The following RAP1GDS1 variants were observed in gnomAD, a reference collection of about 807,000 sequenced individuals.
RAP1GDS1 encodes the protein RAP1, GTP-GDP dissociation stimulator 1.
In RAP1GDS1, 35 loss-of-function variants were observed where a neutral mutation model predicts 71.1. The ratio of observed to expected loss-of-function variants is 0.49; its 90% confidence interval spans 0.38 to 0.65. RAP1GDS1 has a LOEUF of 0.65. RAP1GDS1 is among the 30% of genes least tolerant of loss of function. The pLI, the probability that RAP1GDS1 is intolerant of heterozygous loss-of-function variation, is 0.00. For missense variants in RAP1GDS1, 663 were observed against 706.1 expected, an observed-to-expected ratio of 0.94 and a Z score of 0.69; for synonymous variants, 229 against 243.1, an observed-to-expected ratio of 0.94 and a Z score of 0.54.
intron 13 of RAP1GDS1, among the ~76,000 whole-genome samples, chr4:98,434,735 C>G (rs1460526084): frequency 6.6e-6 from 1 of 151,874 alleles, no homozygotes; most frequent in Non-Finnish European, 1.5e-5. Flanking sequence ...ATTCTCGTGC[C>G]TCAGCCTCCT....
intron 2 of RAP1GDS1, among the ~76,000 whole-genome samples, chr4:98,306,148 T>C (rs1477706644): frequency 1.3e-5 from 2 of 152,182 alleles, no homozygotes; most frequent in Admixed American, 6.5e-5. Context: ...TTAACTGTCT[T>C]CTCTAATCGT....
At chr4:98,353,487 A>T (rs1355986515) in intron 4 of RAP1GDS1, among the ~76,000 whole-genome samples, 1 of 152,206 alleles carries the variant, frequency 6.6e-6, no homozygotes, top group African/African-American at 2.4e-5. Context: ...TTATGCATAT[A>T]AGCCAGAAAG....
At chr4:98,436,087 T>A (rs1024358208) in intron 13 of RAP1GDS1, among the ~76,000 whole-genome samples, 1 of 148,480 alleles carries the variant, frequency 6.7e-6, no homozygotes, top group African/African-American at 2.6e-5. Flanking sequence ...AAAATATATA[T>A]ATATATATAT....
At chr4:98,429,577 A>G (rs1029709346) in intron 12 of RAP1GDS1, among the ~76,000 whole-genome samples, 1 of 152,150 alleles carries the variant, frequency 6.6e-6, no homozygotes, top group African/African-American at 2.4e-5. Flanking sequence ...GTCCACCAAA[A>G]TCTCACAAAT....
intron 1 of RAP1GDS1, among the ~76,000 whole-genome samples, chr4:98,281,841 G>C (rs1417148853): frequency 6.6e-6 from 1 of 152,066 alleles, no homozygotes; most frequent in African/African-American, 2.4e-5. Flanking sequence ...TTTGTCAATG[G>C]CCTTTTCTGC....
chr4:98,305,512 A>G (rs1484776701), intron 2 of RAP1GDS1, among the ~76,000 whole-genome samples: 2 of 152,186 alleles, frequency 1.3e-5, no homozygotes, highest in African/African-American at 2.4e-5. Flanking sequence ...GTATCCAAAT[A>G]TATTCTTACC....
At chr4:98,351,406 A>G (rs946267640) in intron 3 of RAP1GDS1, among the ~76,000 whole-genome samples, 7 of 152,206 alleles carry the variant, frequency 4.6e-5, no homozygotes, top group Non-Finnish European at 7.3e-5. Context: ...AATAACCTAT[A>G]TGGTATGCTC....
chr4:98,379,084 G>T lies in RAP1GDS1; in HGVS notation c.429G>T (p.Leu143=). 6.2e-7 allele frequency: 1 copy of T among 1,610,956 alleles called. No homozygotes were observed. The highest frequency in any genetic ancestry group is 8.5e-7 in the Non-Finnish European group (1 of 1,178,168). Reference sequence around the variant, plus strand: ...TTGTAATTGACCATTTAAGGTCACTGTGCAGTATAACAGATCCCGCCAATG... The same window carrying T: ...TTGTAATTGACCATTTAAGGTCACTTTGCAGTATAACAGATCCCGCCAATG... ...AQIVIDHLRS[L]CSITDPANEK... Residue 143 remains leucine, a synonymous_variant, in exon 5 of 15, where the codon CTG becomes CTT. Transcript: ENST00000408927.
intron 4 of RAP1GDS1, among the ~76,000 whole-genome samples, chr4:98,368,787 A>G (rs1739914398): frequency 6.6e-6 from 1 of 152,172 alleles, no homozygotes; most frequent in South Asian, 2.1e-4. Context: ...TTGGAGAAGG[A>G]GAAGCCCTAT....
At chr4:98,317,690 A>G (rs1731140561) in intron 2 of RAP1GDS1, among the ~76,000 whole-genome samples, 1 of 152,060 alleles carries the variant, frequency 6.6e-6, no homozygotes, top group African/African-American at 2.4e-5. Flanking sequence ...ATGGAACCTT[A>G]AGTGGCCACA....
At chr4:98,396,005 G>T in intron 6 of RAP1GDS1, 1 of 158,206 alleles carries the variant, frequency 6.3e-6, no homozygotes, top group South Asian at 1.9e-4. Flanking sequence ...TTACAATCAT[G>T]GCAGAAGGTG....
chr4:98,380,695 A>G (rs1741875787), intron 5 of RAP1GDS1, among the ~76,000 whole-genome samples: 1 of 151,838 alleles, frequency 6.6e-6, no homozygotes, highest in South Asian at 2.1e-4. Flanking sequence ...GCATTAAGAA[A>G]TCATTGGTCA....
Position 98,352,010 on chromosome 4 carries a change from T to TTA in RAP1GDS1, c.236-456_236-455dup, listed in dbSNP as rs761854658. 1.5e-3 allele frequency among the ~76,000 whole-genome samples: 218 copies of TTA among 150,170 alleles called. 1 individual carries two copies. Among genetic ancestry groups the TTA allele is most frequent in the Non-Finnish European group, 2.6e-3 (179 of 67,560 alleles). On this transcript the variant is annotated intron_variant, in intron 3 of 14. Transcript: ENST00000408927. ...TTTATACATATGTATATACTTATAT[T>TTA]TATATATATATTTATATTTATAGGC...
chr4:98,433,831 C>A, intron 12 of RAP1GDS1, 105 bp from the exon 13 acceptor site: 1 of 1,063,712 alleles, frequency 9.4e-7, no homozygotes. Context: ...ATGATTCATA[C>A]AGGACACTGT....
intron 6 of RAP1GDS1, among the ~76,000 whole-genome samples, chr4:98,393,072 T>G (rs757297660): frequency 1.3e-5 from 2 of 152,176 alleles, no homozygotes; most frequent in Non-Finnish European, 2.9e-5. Flanking sequence ...AATAAATTAT[T>G]ATGGGCATAG....
chr4:98,404,402 T>A, intron 6 of RAP1GDS1, 75 bp from the exon 7 acceptor site: 1 of 1,354,800 alleles, frequency 7.4e-7, no homozygotes, highest in Non-Finnish European at 1.0e-6. Flanking sequence ...TGGTACAAAA[T>A]AACTAAGTAT....
intron 4 of RAP1GDS1, among the ~76,000 whole-genome samples, chr4:98,353,925 A>G (rs183145784): frequency 6.6e-6 from 1 of 152,330 alleles, no homozygotes; most frequent in Admixed American, 6.5e-5. Context: ...AATTTTAGCA[A>G]CATATATTAG....
chr4:98,327,879 T>C (rs1733376577), intron 2 of RAP1GDS1, among the ~76,000 whole-genome samples: 2 of 152,230 alleles, frequency 1.3e-5, no homozygotes, highest in African/African-American at 2.4e-5. Context: ...AGGTGCTTGC[T>C]GTCATCTCAA....
chr4:98,311,158 T>A (rs1312700498), intron 2 of RAP1GDS1, among the ~76,000 whole-genome samples: 1 of 152,196 alleles, frequency 6.6e-6, no homozygotes, highest in Non-Finnish European at 1.5e-5. Flanking sequence ...AGACAGTATC[T>A]TTTCAGTGGG....
Sources: gnomAD v4.1 joint callset for allele counts (sites outside exome capture counted in the v4.1 genomes callset) on GRCh38, gnomAD v4.1.1 for gene constraint, MANE v1.5 for transcripts, NCBI Gene and HGNC (gene_info 2026-07-23, HGNC 2026-07-21) for gene names.